Variants in IQCM observed in about 807,000 individuals in gnomAD.
IQCM encodes the protein IQ domain-containing protein M.
In IQCM, 45 loss-of-function variants were observed where a neutral mutation model predicts 57.6. That is an observed-to-expected ratio of 0.78 (90% CI 0.62 to 1.00). The LOEUF (loss-of-function observed/expected upper bound fraction) is 1.00, where lower values mean the gene tolerates loss of function less well. Among genes scored for constraint, IQCM ranks in the 50% least tolerant of loss-of-function variants. IQCM has a pLI of 0.00. For synonymous variants in IQCM, 148 were observed against 158.9 expected (o/e 0.93, Z 0.51); for missense variants, 468 against 511.6 (o/e 0.91, Z 0.82).
chr4:149,718,407 G>T (rs1422840007), intron 5 of IQCM, among the ~76,000 whole-genome samples: 2 of 152,098 alleles, frequency 1.3e-5, no homozygotes, highest in Admixed American at 6.5e-5. Flanking sequence ...ACAGTATCTG[G>T]TTCAAGTAGG....
chr4:149,460,519 C>T (rs1738160338), intron 12 of IQCM, among the ~76,000 whole-genome samples: 2 of 152,168 alleles, frequency 1.3e-5, no homozygotes, highest in African/African-American at 4.8e-5. Flanking sequence ...TTTAAATTAC[C>T]TTGAGTAACA....
intron 13 of IQCM, among the ~76,000 whole-genome samples, chr4:149,430,246 C>T (rs991296458): frequency 6.6e-6 from 1 of 151,778 alleles, no homozygotes; most frequent in African/African-American, 2.4e-5. Context: ...TTTTAAAATG[C>T]AAGTTTTAAA....
At chr4:149,372,163 A>G (rs952308864) in intron 13 of IQCM, among the ~76,000 whole-genome samples, 15 of 152,326 alleles carry the variant, frequency 9.8e-5, no homozygotes, top group Middle Eastern at 6.8e-3. Context: ...ACTGCAGTTG[A>G]CAATCAAGCC....
chr4:149,556,133 C>CAA (rs1246881520), intron 10 of IQCM, among the ~76,000 whole-genome samples: 4 of 152,082 alleles, frequency 2.6e-5, no homozygotes, highest in African/African-American at 9.7e-5. Context: ...AAAAAAAGTA[C>CAA]AAATTTCTAC....
chr4:149,580,500 T>C (rs1489661446), intron 9 of IQCM, among the ~76,000 whole-genome samples: 2 of 151,834 alleles, frequency 1.3e-5, no homozygotes, highest in Non-Finnish European at 2.9e-5. Flanking sequence ...AATTTAATTT[T>C]ATAGCTATTT....
At chr4:149,761,844 A>G (rs1769549529) in intron 2 of IQCM, among the ~76,000 whole-genome samples, 1 of 152,126 alleles carries the variant, frequency 6.6e-6, no homozygotes, top group African/African-American at 2.4e-5. Context: ...GACTTCTTGT[A>G]TGATATGATT....
chr4:149,635,683 ATGTCCAC>A (rs1757657392), intron 7 of IQCM, among the ~76,000 whole-genome samples: 1 of 152,174 alleles, frequency 6.6e-6, no homozygotes, highest in South Asian at 2.1e-4. Flanking sequence ...TCTTAGCCTT[ATGTCCAC>A]TGAGAGGTAG....
At chr4:149,677,081 C>T (rs867952147) in intron 7 of IQCM, among the ~76,000 whole-genome samples, 57 of 152,094 alleles carry the variant, frequency 3.7e-4, no homozygotes, top group African/African-American at 1.3e-3. Context: ...AAAATACTCC[C>T]CAAAATCACT....
chr4:149,420,247 G>T (rs1184031734), intron 13 of IQCM, among the ~76,000 whole-genome samples: 1 of 151,980 alleles, frequency 6.6e-6, no homozygotes, highest in South Asian at 2.1e-4. Flanking sequence ...CAAACCAAAT[G>T]CCCATCAATG....
intron 13 of IQCM, among the ~76,000 whole-genome samples, chr4:149,357,727 C>A (rs1729112760): frequency 6.6e-6 from 1 of 152,172 alleles, no homozygotes; most frequent in Non-Finnish European, 1.5e-5. Context: ...GTGTCTCTGT[C>A]AGGCTTTGGT....
intron 13 of IQCM, among the ~76,000 whole-genome samples, chr4:149,400,637 C>G (rs1250972756): frequency 2.0e-5 from 3 of 151,898 alleles, no homozygotes; most frequent in Non-Finnish European, 4.4e-5. Context: ...GTTAATACCA[C>G]CAGCCCTTCT....
At chr4:149,461,490 A>T (rs1175982057) in intron 12 of IQCM, among the ~76,000 whole-genome samples, 1 of 151,902 alleles carries the variant, frequency 6.6e-6, no homozygotes, top group African/African-American at 2.4e-5. Context: ...CCATATTTAC[A>T]AACAAATACA....
chr4:149,454,232 G>T (rs939695017), intron 12 of IQCM, among the ~76,000 whole-genome samples: 2 of 149,420 alleles, frequency 1.3e-5, no homozygotes, highest in African/African-American at 4.9e-5. Flanking sequence ...AATTTATGGT[G>T]TATATACATA....
At position 149,368,947 on chromosome 4, in the gene IQCM, T is replaced by TAC. The variant is rs1491104450; in HGVS notation, c.1391-16882_1391-16881insGT. On this transcript the variant is annotated intron_variant, in intron 13 of 13. Transcript: ENST00000636793. ...ATATATACACGTGTATATATATGTG[T>TAC]ATATATATACACGTGTATATATATA... Among the ~76,000 whole-genome samples, 9 of 70,230 alleles carry TAC rather than the reference T, an allele frequency of 1.3e-4. No individual in the cohort carries two copies. In the South Asian group the frequency reaches 3.1e-3, roughly 24 times the overall value. 46.1% of individuals were successfully genotyped at this position (70,230 alleles called of 152,430 possible).
intron 7 of IQCM, among the ~76,000 whole-genome samples, chr4:149,663,399 T>G (rs1385687600): frequency 2.6e-5 from 4 of 152,096 alleles, no homozygotes; most frequent in South Asian, 4.1e-4. Flanking sequence ...TTTTATGCTT[T>G]CATGTGTATT....
At chr4:149,554,289 G>A (rs1749323896) in intron 10 of IQCM, among the ~76,000 whole-genome samples, 1 of 152,032 alleles carries the variant, frequency 6.6e-6, no homozygotes, top group African/African-American at 2.4e-5. Flanking sequence ...TAGCATAGAG[G>A]CATTCCAGAG....
intron 13 of IQCM, among the ~76,000 whole-genome samples, chr4:149,371,124 G>C (rs972054243): frequency 1.3e-5 from 2 of 152,108 alleles, no homozygotes; most frequent in Admixed American, 6.6e-5. Context: ...TTATCAAACA[G>C]GGTCTACATC....
At chr4:149,437,330 C>T (rs757495593) in intron 12 of IQCM, among the ~76,000 whole-genome samples, 4 of 152,082 alleles carry the variant, frequency 2.6e-5, no homozygotes, top group Non-Finnish European at 5.9e-5. Flanking sequence ...TGGAGGTTTA[C>T]TGATGTTAGT....
At chr4:149,396,961 G>T (rs1732272970) in intron 13 of IQCM, among the ~76,000 whole-genome samples, 1 of 151,894 alleles carries the variant, frequency 6.6e-6, no homozygotes. Flanking sequence ...TGGACATTTA[G>T]GTTGTTTCCA....
Sources: allele counts gnomAD v4.1 joint callset (sites outside exome capture counted in the v4.1 genomes callset), GRCh38; gene constraint gnomAD v4.1.1; transcripts MANE v1.5; gene names NCBI Gene and HGNC (gene_info 2026-07-23, HGNC 2026-07-21).